The following GABRB1 variants were observed in gnomAD, a reference collection of about 807,000 sequenced individuals.
GABRB1 encodes the protein gamma-aminobutyric acid receptor subunit beta-1.
GABRB1 carries 17 observed loss-of-function variants against 51.6 expected under a neutral mutation model. The observed-to-expected ratio is 0.33, with a 90% CI of 0.23 to 0.49. The LOEUF (loss-of-function observed/expected upper bound fraction) is 0.49, where lower values mean the gene tolerates loss of function less well. Among genes scored for constraint, GABRB1 ranks in the 20% least tolerant of loss-of-function variants. The probability of loss-of-function intolerance (pLI) is 0.99; values close to 1 mark genes in which losing one functional copy is unlikely to be tolerated. For missense variants in GABRB1, 410 were observed against 600.6 expected, an observed-to-expected ratio of 0.68 and a Z score of 3.32; for synonymous variants, 247 against 218.9, an observed-to-expected ratio of 1.13 and a Z score of -1.14.
intron 5 of GABRB1, among the ~76,000 whole-genome samples, chr4:47,345,643 T>A (rs1365006352): frequency 6.6e-6 from 1 of 152,252 alleles, no homozygotes; most frequent in East Asian, 1.9e-4. Flanking sequence ...GAAATGTAGG[T>A]ATAAGTTGAG....
intron 5 of GABRB1, among the ~76,000 whole-genome samples, chr4:47,345,708 A>G (rs988675572): frequency 6.6e-6 from 1 of 152,236 alleles, no homozygotes; most frequent in Non-Finnish European, 1.5e-5. Flanking sequence ...GAAACTTTTT[A>G]AGCACCAACA....
intron 5 of GABRB1, among the ~76,000 whole-genome samples, chr4:47,383,609 CTG>C (rs1405193535): frequency 6.6e-6 from 1 of 152,036 alleles, no homozygotes; most frequent in Admixed American, 6.6e-5. Flanking sequence ...AAAATCATAA[CTG>C]AGAGATGTGA....
chr4:47,132,385 T>C (rs1248577813), intron 3 of GABRB1, among the ~76,000 whole-genome samples: 1 of 117,994 alleles, frequency 8.5e-6, no homozygotes, highest in Non-Finnish European at 1.7e-5. Flanking sequence ...TTGTTTGTTT[T>C]GGTTTGTTTT....
At chr4:47,265,522 T>A (rs1293434458) in intron 4 of GABRB1, among the ~76,000 whole-genome samples, 1 of 152,174 alleles carries the variant, frequency 6.6e-6, no homozygotes, top group Non-Finnish European at 1.5e-5. Flanking sequence ...CTCCATGCTG[T>A]TTTCCATAGA....
intron 3 of GABRB1, among the ~76,000 whole-genome samples, chr4:47,068,033 T>C (rs929981009): frequency 5.9e-5 from 9 of 152,220 alleles, no homozygotes; most frequent in African/African-American, 2.2e-4. Flanking sequence ...TCTAGCTTCA[T>C]CCGTGTCTCT....
intron 3 of GABRB1, among the ~76,000 whole-genome samples, chr4:47,106,503 A>G (rs748035128): frequency 1.3e-5 from 2 of 152,124 alleles, no homozygotes; most frequent in Non-Finnish European, 2.9e-5. Flanking sequence ...GATGACTTAC[A>G]GGAGAGTTGT....
chr4:47,338,585 C>A (rs918739699), intron 5 of GABRB1, among the ~76,000 whole-genome samples: 1 of 152,168 alleles, frequency 6.6e-6, no homozygotes, highest in African/African-American at 2.4e-5. Flanking sequence ...TCTGAAGACA[C>A]GTATTTCTCC....
At position 47,037,536 on chromosome 4, in the gene GABRB1, T is replaced by C. The variant is rs1255977162; in HGVS notation, c.240+5052T>C. ...ATAGCATATATATATTCGTTTTTTT[T>C]TGTTGTTGTTGTTGTTTTTTGTTTT... On this transcript the variant is annotated intron_variant, in intron 3 of 8. Coordinates refer to ENST00000295454, the MANE Select transcript of GABRB1 (RefSeq NM_000812.4). Among the ~76,000 whole-genome samples, 3 of 115,060 alleles carry C rather than the reference T, an allele frequency of 2.6e-5. 1 individual carries two copies. The Admixed American group carries it at 3.2e-4, about 12-fold the overall frequency. 75.5% of individuals were successfully genotyped at this position (115,060 alleles called of 152,430 possible). A position where few individuals can be genotyped will look rare whatever the true frequency, so the allele number is the denominator to read the frequency against.
intron 4 of GABRB1, among the ~76,000 whole-genome samples, chr4:47,257,458 A>G (rs1441845028): frequency 2.0e-5 from 3 of 152,124 alleles, no homozygotes; most frequent in African/African-American, 7.2e-5. Context: ...TAATTACTCA[A>G]AGATTACAGC....
chr4:47,275,515 T>C (rs905330203), intron 4 of GABRB1, among the ~76,000 whole-genome samples: 1 of 152,150 alleles, frequency 6.6e-6, no homozygotes, highest in Non-Finnish European at 1.5e-5. Flanking sequence ...ACATAGTCTT[T>C]TGAGGGACTA....
At chr4:47,358,735 T>G (rs540320595) in intron 5 of GABRB1, among the ~76,000 whole-genome samples, 1 of 152,136 alleles carries the variant, frequency 6.6e-6, no homozygotes, top group African/African-American at 2.4e-5. Context: ...AACATATGAA[T>G]TTAGCGGTAG....
intron 5 of GABRB1, among the ~76,000 whole-genome samples, chr4:47,334,592 A>T (rs142825502): frequency 3.9e-5 from 6 of 152,310 alleles, no homozygotes; most frequent in African/African-American, 1.4e-4. Flanking sequence ...TGTAGAAAGG[A>T]CTTATTTTAA....
rs140701483 is a variant in GABRB1 at position 47,265,311 on chromosome 4, G to GAT, written c.462-54804_462-54803dup. ...TTTTTATGGCTGAAAAGTATTCCAT[G>GAT]ATATATATATATACATACCACATTT... is the stretch of plus-strand genomic sequence containing the variant. On this transcript the variant is annotated intron_variant, in intron 4 of 8. Transcript: ENST00000295454. Among the ~76,000 whole-genome samples the GAT allele has an allele frequency of 3.6e-3, 552 of 151,332 alleles. 6 individuals carry two copies. The highest frequency in any genetic ancestry group is 0.012 in the African/African-American group (493 of 41,304).
chr4:47,056,669 C>T (rs1253344858), intron 3 of GABRB1, among the ~76,000 whole-genome samples: 1 of 151,976 alleles, frequency 6.6e-6, no homozygotes, highest in Non-Finnish European at 1.5e-5. Flanking sequence ...AAAATTAACT[C>T]ACAGAAGGGC....
chr4:47,247,378 T>C (rs1721806475), intron 4 of GABRB1, among the ~76,000 whole-genome samples: 1 of 152,156 alleles, frequency 6.6e-6, no homozygotes, highest in Non-Finnish European at 1.5e-5. Context: ...CATTGGTCTG[T>C]GTGCCTATTT....
At position 47,348,426 on chromosome 4, in the gene GABRB1, C is replaced by T. The variant is rs115923565; in HGVS notation, c.544+28217C>T. ...TGCTTTCTGATGGTTCAATGTATAT[C>T]AACTTTGTTTTATGCACAAAATGAT... On this transcript the variant is annotated intron_variant, in intron 5 of 8. Coordinates refer to ENST00000295454, the MANE Select transcript of GABRB1 (RefSeq NM_000812.4). 2.4e-3 allele frequency among the ~76,000 whole-genome samples: 360 copies of T among 152,260 alleles called. 2 individuals are homozygous for T. Among genetic ancestry groups the T allele is most frequent in the African/African-American group, 7.5e-3 (310 of 41,538 alleles).
At chr4:47,306,543 C>T (rs758577520) in intron 4 of GABRB1, among the ~76,000 whole-genome samples, 1 of 151,862 alleles carries the variant, frequency 6.6e-6, no homozygotes, top group Non-Finnish European at 1.5e-5. Context: ...CCAATACCAC[C>T]TTCATCCCAT....
At chr4:47,354,778 G>T (rs1007963508) in intron 5 of GABRB1, among the ~76,000 whole-genome samples, 2 of 151,306 alleles carry the variant, frequency 1.3e-5, no homozygotes, top group African/African-American at 4.9e-5. Flanking sequence ...TTTTTAAACT[G>T]CAAATTTGGG....
chr4:47,372,082 A>G (rs1406279940), intron 5 of GABRB1, among the ~76,000 whole-genome samples: 1 of 152,204 alleles, frequency 6.6e-6, no homozygotes, highest in Non-Finnish European at 1.5e-5. Context: ...TTTTACTTCA[A>G]GTCTTTAATC....
Sources: allele counts gnomAD v4.1 joint callset (sites outside exome capture counted in the v4.1 genomes callset), GRCh38; gene constraint gnomAD v4.1.1; transcripts MANE v1.5; gene names NCBI Gene and HGNC (gene_info 2026-07-23, HGNC 2026-07-21).